SHISA9: variants seen among roughly 807,000 people sequenced by gnomAD.
SHISA9 encodes the protein protein shisa-9.
In SHISA9, 13 loss-of-function variants were observed where a neutral mutation model predicts 38.0. That is an observed-to-expected ratio of 0.34 (90% CI 0.22 to 0.54). The LOEUF is 0.54. SHISA9 is among the 20% of genes least tolerant of loss of function. The probability of loss-of-function intolerance (pLI) is 0.91; values close to 1 mark genes in which losing one functional copy is unlikely to be tolerated. For missense variants in SHISA9, 538 were observed against 575.8 expected, an observed-to-expected ratio of 0.93 and a Z score of 0.67; for synonymous variants, 275 against 242.0, an observed-to-expected ratio of 1.14 and a Z score of -1.27.
At chr16:13,335,818 C>G in the SHISA9 span, among the ~76,000 whole-genome samples, 1 of 152,156 alleles carries the variant, frequency 6.6e-6, no homozygotes. Context: ...TCCTTAGGAC[C>G]TGGGCAGGAC....
chr16:12,954,120 C>T (rs781011220), intron 2 of SHISA9, among the ~76,000 whole-genome samples: 1 of 151,996 alleles, frequency 6.6e-6, no homozygotes, highest in Admixed American at 6.6e-5. Flanking sequence ...ACTTGAAGGA[C>T]GAGTTTGCAG....
chr16:13,523,996 G>A, the SHISA9 span, among the ~76,000 whole-genome samples: 7 of 152,118 alleles, frequency 4.6e-5, no homozygotes, highest in Admixed American at 1.3e-4. Flanking sequence ...TGAGGCTCAG[G>A]AAAATGCAGA....
At chr16:13,255,863 G>A in the SHISA9 span, among the ~76,000 whole-genome samples, 2 of 152,160 alleles carry the variant, frequency 1.3e-5, no homozygotes, top group African/African-American at 4.8e-5. Context: ...ATCATTTCAT[G>A]CCCAGATTAA....
chr16:13,403,172 C>G, the SHISA9 span, among the ~76,000 whole-genome samples: 1 of 152,028 alleles, frequency 6.6e-6, no homozygotes, highest in Admixed American at 6.6e-5. Context: ...TGCATTTTAC[C>G]ATAAATGACT....
the SHISA9 span, among the ~76,000 whole-genome samples, chr16:13,358,136 G>A: frequency 6.6e-6 from 1 of 152,148 alleles, no homozygotes; most frequent in African/African-American, 2.4e-5. Context: ...TTAGCAAGTG[G>A]AAAGGGTAGC....
At chr16:13,240,956 G>C (rs375371319), downstream of SHISA9, among the ~76,000 whole-genome samples, 5 of 152,034 alleles carry the variant, frequency 3.3e-5, no homozygotes, top group African/African-American at 1.2e-4. Context: ...GGGGTGGGAG[G>C]TTCAATAAGG....
the SHISA9 span, among the ~76,000 whole-genome samples, chr16:13,266,021 A>G: frequency 3.3e-5 from 5 of 152,176 alleles, no homozygotes; most frequent in African/African-American, 7.2e-5. Flanking sequence ...TCATCAGACA[A>G]CAGATATAAA....
At chr16:13,552,712 G>A in the SHISA9 span, among the ~76,000 whole-genome samples, 1 of 152,050 alleles carries the variant, frequency 6.6e-6, no homozygotes, top group African/African-American at 2.4e-5. Flanking sequence ...TTAGAATAAT[G>A]AGATTTTTTT....
chr16:13,047,416 C>A (rs1596610545), intron 2 of SHISA9, among the ~76,000 whole-genome samples: 1 of 152,066 alleles, frequency 6.6e-6, no homozygotes, highest in East Asian at 1.9e-4. Context: ...CATATCCAGC[C>A]CCAGATTGTG....
At chr16:12,920,739 C>A (rs2071317447) in intron 2 of SHISA9, among the ~76,000 whole-genome samples, 1 of 152,182 alleles carries the variant, frequency 6.6e-6, no homozygotes, top group South Asian at 2.1e-4. Flanking sequence ...ACCAAGGTAC[C>A]TTTGTCAAAA....
the SHISA9 span, chr16:13,350,515 GC>G: frequency 6.6e-6 from 1 of 152,164 alleles, no homozygotes; most frequent in Admixed American, 6.5e-5. Context: ...GATTAATACA[GC>G]TTCTAAACTG....
the SHISA9 span, among the ~76,000 whole-genome samples, chr16:13,551,102 C>G: frequency 6.7e-6 from 1 of 148,962 alleles, no homozygotes; most frequent in Non-Finnish European, 1.5e-5. Context: ...CCAGCCTGGG[C>G]GACAGTGAGA....
intron 2 of SHISA9, among the ~76,000 whole-genome samples, chr16:12,970,328 T>C (rs1314257415): frequency 2.2e-5 from 1 of 45,082 alleles, no homozygotes; most frequent in Non-Finnish European, 4.0e-5. Context: ...TATATATACA[T>C]ATATATATAT....
chr16:13,407,001 G>T, the SHISA9 span, among the ~76,000 whole-genome samples: 1 of 141,786 alleles, frequency 7.1e-6, no homozygotes, highest in Non-Finnish European at 1.5e-5. Context: ...CTGGGAGGCA[G>T]AGGTTGCAGT....
the SHISA9 span, among the ~76,000 whole-genome samples, chr16:13,466,735 C>T: frequency 6.6e-6 from 1 of 152,062 alleles, no homozygotes; most frequent in East Asian, 1.9e-4. Context: ...TTTCTTTCTT[C>T]TTTTATTCCT....
chr16:13,367,391 A>C, the SHISA9 span, among the ~76,000 whole-genome samples: 1 of 150,342 alleles, frequency 6.7e-6, no homozygotes, highest in Non-Finnish European at 1.5e-5. Flanking sequence ...ACCCTGTATC[A>C]GTCACGTTAT....
intron 2 of SHISA9, among the ~76,000 whole-genome samples, chr16:12,944,991 A>G (rs764025539): frequency 6.6e-6 from 1 of 152,164 alleles, no homozygotes; most frequent in Non-Finnish European, 1.5e-5. Flanking sequence ...GGGGAGCAAG[A>G]AGAACGTGCC....
At chr16:13,005,349 A>G (rs1219487278) in intron 2 of SHISA9, among the ~76,000 whole-genome samples, 1 of 152,120 alleles carries the variant, frequency 6.6e-6, no homozygotes, top group Non-Finnish European at 1.5e-5. Context: ...AATATAGAAG[A>G]TGCTGGGGTA....
chr16:13,311,840 T>C, the SHISA9 span, among the ~76,000 whole-genome samples: 12 of 152,200 alleles, frequency 7.9e-5, no homozygotes, highest in African/African-American at 2.9e-4. Context: ...TCAACTTCCT[T>C]ATATGTAAAA....
Sources: gnomAD v4.1 joint callset for allele counts (sites outside exome capture counted in the v4.1 genomes callset) on GRCh38, gnomAD v4.1.1 for gene constraint, MANE v1.5 for transcripts, NCBI Gene and HGNC (gene_info 2026-07-23, HGNC 2026-07-21) for gene names.